The following PRUNE2 variants were observed in gnomAD, a reference collection of about 807,000 sequenced individuals.
PRUNE2 encodes the protein prune homolog 2 with BCH domain.
In PRUNE2, 164 loss-of-function variants were observed where a neutral mutation model predicts 252.0. The observed-to-expected ratio is 0.65, with a 90% CI of 0.57 to 0.74. PRUNE2 has a LOEUF of 0.74. Ranked by LOEUF, PRUNE2 falls within the 30% of genes least tolerant of loss-of-function variation. PRUNE2 has a pLI of 0.00. For missense variants in PRUNE2, 3,495 were observed against 3,711.0 expected, an observed-to-expected ratio of 0.94 and a Z score of 1.51; for synonymous variants, 1,292 against 1,350.2, an observed-to-expected ratio of 0.96 and a Z score of 0.94.
chr9:76,718,270 A>T (rs913064830), intron 6 of PRUNE2, among the ~76,000 whole-genome samples: 1 of 152,192 alleles, frequency 6.6e-6, no homozygotes, highest in Non-Finnish European at 1.5e-5. Context: ...AACAAAAGTG[A>T]TGTAAAGAAT....
chr9:76,885,225 C>T (rs2062019598), intron 1 of PRUNE2, among the ~76,000 whole-genome samples: 1 of 152,220 alleles, frequency 6.6e-6, no homozygotes, highest in Non-Finnish European at 1.5e-5. Flanking sequence ...GACTAGGCGG[C>T]TTCATATGAA....
chr9:76,791,227 T>C (rs904092117), intron 6 of PRUNE2, among the ~76,000 whole-genome samples: 14 of 151,526 alleles, frequency 9.2e-5, no homozygotes, highest in African/African-American at 2.7e-4. Context: ...CCAATTATCA[T>C]TGGTACAATA....
At chr9:76,645,804 C>T (rs1844607283) in intron 11 of PRUNE2, among the ~76,000 whole-genome samples, 1 of 152,118 alleles carries the variant, frequency 6.6e-6, no homozygotes, top group Non-Finnish European at 1.5e-5. Context: ...AAGACATTAT[C>T]ATTCTTATTT....
chr9:76,886,232 T>G (rs2062091182), intron 1 of PRUNE2, among the ~76,000 whole-genome samples: 1 of 150,608 alleles, frequency 6.6e-6, no homozygotes, highest in African/African-American at 2.4e-5. Flanking sequence ...TTACACGTGA[T>G]CATGATGAAT....
chr9:76,630,887 C>T (rs1191647493), intron 15 of PRUNE2, among the ~76,000 whole-genome samples: 1 of 152,252 alleles, frequency 6.6e-6, no homozygotes, highest in Non-Finnish European at 1.5e-5. Context: ...AAGGGTCTAA[C>T]ATTCTTGAAT....
rs115464490 is a variant in PRUNE2, at chr9:76,633,675, C to T, written c.9050+2796G>A. Among the ~76,000 whole-genome samples, 1,367 of 152,108 alleles carry T rather than the reference C, an allele frequency of 9.0e-3. 19 individuals carry two copies. Among genetic ancestry groups the T allele is most frequent in the African/African-American group, 0.032 (1,311 of 41,488 alleles). ...GCTCTATAATGGCAGAATTGAGTAGCTGTAACTGAAATCATAGGGCCAGTG... is the reference window on the plus strand; with the variant it reads ...GCTCTATAATGGCAGAATTGAGTAGTTGTAACTGAAATCATAGGGCCAGTG... On this transcript the variant is annotated intron_variant, in intron 15 of 18. Coordinates refer to ENST00000376718, the MANE Select transcript of PRUNE2 (RefSeq NM_015225.3).
At chr9:76,744,951 T>C (rs570708940) in intron 6 of PRUNE2, among the ~76,000 whole-genome samples, 2 of 152,320 alleles carry the variant, frequency 1.3e-5, no homozygotes, top group East Asian at 1.9e-4. Flanking sequence ...GGTTGTTCTC[T>C]AGGAGAAGGC....
intron 9 of PRUNE2, chr9:76,687,644 C>A: frequency 4.7e-6 from 2 of 424,512 alleles, no homozygotes; most frequent in Non-Finnish European, 9.6e-6. Flanking sequence ...TTTCTCAGGC[C>A]ATTCATTCCG....
At chr9:76,618,453 A>G (rs1487998331) in intron 18 of PRUNE2, among the ~76,000 whole-genome samples, 1 of 152,220 alleles carries the variant, frequency 6.6e-6, no homozygotes, top group East Asian at 1.9e-4. Context: ...CCACAACTCA[A>G]ACCAAATTGG....
At chr9:76,682,414 T>G (rs915474264) in intron 9 of PRUNE2, among the ~76,000 whole-genome samples, 8 of 148,460 alleles carry the variant, frequency 5.4e-5, no homozygotes, top group African/African-American at 1.7e-4. Flanking sequence ...CAGGCTAGAG[T>G]GCAGTGGCGT....
rs766826339 is a variant in PRUNE2, at chr9:76,710,977, T to C, written c.1297A>G (p.Ile433Val). 12 of 1,609,356 alleles carry C rather than the reference T, an allele frequency of 7.5e-6. No individual in the cohort carries two copies. Among genetic ancestry groups the C allele is most frequent in the Non-Finnish European group, 1.0e-5 (12 of 1,177,538 alleles). ...TCCTTGGATGAGCGGCTGCTCCTAA[T>C]GGTAGCCAGTCCGCTGTCTGGGCTA... ...LVSPDSGLAT[I>V]RSSRSSKESS... Residue 433 changes from isoleucine (I) to valine (V), a missense_variant, in exon 8 of 19, where the codon ATT becomes GTT. Physicochemically the swap from Ile to Val is conservative, Grantham distance 29. Transcript: ENST00000376718.
At chr9:76,728,639 G>A (rs139235529) in intron 6 of PRUNE2, among the ~76,000 whole-genome samples, 8 of 152,266 alleles carry the variant, frequency 5.3e-5, no homozygotes, top group East Asian at 1.9e-4. Flanking sequence ...TCATATTTGC[G>A]TATGTGTGTT....
chr9:76,711,600 C>T (rs963342063), intron 7 of PRUNE2, among the ~76,000 whole-genome samples: 2 of 152,176 alleles, frequency 1.3e-5, no homozygotes, highest in Non-Finnish European at 1.5e-5. Context: ...GGCTCCTGAA[C>T]GTTTGGGTAA....
intron 6 of PRUNE2, among the ~76,000 whole-genome samples, chr9:76,732,312 A>C (rs1463592301): frequency 6.6e-6 from 1 of 152,228 alleles, no homozygotes; most frequent in Non-Finnish European, 1.5e-5. Flanking sequence ...GTCTCAAAAA[A>C]GTAAAAATAA....
intron 6 of PRUNE2, among the ~76,000 whole-genome samples, chr9:76,791,127 T>G (rs753299703): frequency 3.9e-4 from 60 of 152,236 alleles, no homozygotes; most frequent in Admixed American, 5.9e-4. Context: ...CTTTCAGCTA[T>G]GTGATGAGTA....
Position 76,778,402 on chromosome 9 carries a change from G to C in PRUNE2, c.756+45230C>G, listed in dbSNP as rs186778572. The C allele has an allele frequency of 6.6e-4, 101 of 152,338 alleles. No homozygotes were observed. The South Asian group carries it at 0.011, about 17-fold the overall frequency. 9.4% of individuals were successfully genotyped at this position (152,338 alleles called of 1,614,324 possible). On this transcript the variant is annotated intron_variant, in intron 6 of 18. Coordinates refer to ENST00000376718, the MANE Select transcript of PRUNE2 (RefSeq NM_015225.3). Reference sequence around the variant, plus strand: ...CAGACTAATTGTTTCCAGTTTGATAGGAGACAATTAAAGGCTGGAAGGCAC... The same window carrying C: ...CAGACTAATTGTTTCCAGTTTGATACGAGACAATTAAAGGCTGGAAGGCAC...
intron 9 of PRUNE2, among the ~76,000 whole-genome samples, chr9:76,699,073 T>A (rs2134659687): frequency 1.2e-5 from 1 of 81,912 alleles, no homozygotes; most frequent in African/African-American, 5.3e-5. Context: ...CATGGCTGCC[T>A]GTATCTCCAA....
intron 6 of PRUNE2, among the ~76,000 whole-genome samples, chr9:76,767,313 T>C (rs1376020395): frequency 1.3e-5 from 2 of 151,970 alleles, no homozygotes; most frequent in Non-Finnish European, 2.9e-5. Context: ...TATCTGGGCA[T>C]GGTGGCACAC....
At chr9:76,819,602 C>T (rs1319951797) in intron 6 of PRUNE2, 1 of 152,158 alleles carries the variant, frequency 6.6e-6, no homozygotes, top group African/African-American at 2.4e-5. Context: ...AGCTCTAGCA[C>T]ACTGATACAG....
Sources: gnomAD v4.1 joint callset for allele counts (sites outside exome capture counted in the v4.1 genomes callset) on GRCh38, gnomAD v4.1.1 for gene constraint, MANE v1.5 for transcripts, NCBI Gene and HGNC (gene_info 2026-07-23, HGNC 2026-07-21) for gene names.